Variants in ATP9A observed in about 807,000 individuals in gnomAD.
The protein encoded by ATP9A is probable phospholipid-transporting ATPase IIA.
ATP9A carries 52 observed loss-of-function variants against 144.1 expected under a neutral mutation model. The observed-to-expected ratio is 0.36, with a 90% CI of 0.29 to 0.45. ATP9A has a LOEUF of 0.45. Ranked by LOEUF, ATP9A falls within the 20% of genes least tolerant of loss-of-function variation. The probability of loss-of-function intolerance (pLI) is 1.00; values close to 1 mark genes in which losing one functional copy is unlikely to be tolerated. For missense variants in ATP9A, 947 were observed against 1,392.7 expected (o/e 0.68, Z 5.09); for synonymous variants, 582 against 557.4 (o/e 1.04, Z -0.62).
chr20:51,681,423 A>ATTTTT (rs1221909662), intron 9 of ATP9A, among the ~76,000 whole-genome samples: 9 of 97,622 alleles, frequency 9.2e-5, no homozygotes, highest in South Asian at 5.9e-4. Context: ...CCCATCCTAA[A>ATTTTT]TTTCTTTTTT....
At chr20:51,761,916 G>A (rs1457986841) in intron 1 of ATP9A, among the ~76,000 whole-genome samples, 2 of 152,070 alleles carry the variant, frequency 1.3e-5, no homozygotes, top group East Asian at 1.9e-4. Flanking sequence ...AACCGAGTCC[G>A]TTTCCTTAAC....
Position 51,618,994 on chromosome 20 carries a change from T to C in ATP9A, c.2165A>G (p.Lys722Arg). Reference protein sequence around the residue: ...AHLELNAFRRKHDCALVISGD... With the variant: ...AHLELNAFRRRHDCALVISGD... ...CGAGATGACCAGGGCACAATCATGCTTCCTGCGGAAGGCGTTCAGCTCGAG... is the reference window on the plus strand; with the variant it reads ...CGAGATGACCAGGGCACAATCATGCCTCCTGCGGAAGGCGTTCAGCTCGAG... Residue 722 changes from lysine (K) to arginine (R), a missense_variant, in exon 20 of 28, where the codon AAG becomes AGG. This residue lies in a region of ATP9A where 770 missense variants were observed against 1,047.9 expected (regional missense o/e 0.73). Transcript: ENST00000338821. The C allele has an allele frequency of 1.2e-6, 2 of 1,614,142 alleles. No homozygotes were observed. The highest frequency in any genetic ancestry group is 8.5e-7 in the Non-Finnish European group (1 of 1,180,016).
intron 22 of ATP9A, among the ~76,000 whole-genome samples, chr20:51,617,065 C>T (rs1277968532): frequency 6.6e-6 from 1 of 151,868 alleles, no homozygotes; most frequent in East Asian, 1.9e-4. Context: ...TCTCAGCCTC[C>T]CAAGTAGCTG....
rs150795858 is a variant in ATP9A, at chr20:51,699,062, G to A, written c.437-1580C>T. ...AGAGATAAAAAGTAATTATAGGCCGGGCACCACAGTGGCTCACGTCTGTAA... is the reference window on the plus strand; with the variant it reads ...AGAGATAAAAAGTAATTATAGGCCGAGCACCACAGTGGCTCACGTCTGTAA... On this transcript the variant is annotated intron_variant, in intron 4 of 27. Transcript: ENST00000338821. Among the ~76,000 whole-genome samples the A allele has an allele frequency of 4.6e-5, 7 of 152,114 alleles. No individual in the cohort carries two copies. The East Asian group carries it at 1.4e-3, about 29-fold the overall frequency.
chr20:51,625,119 T>G, intron 18 of ATP9A, 73 bp downstream of exon 18: 2 of 1,460,780 alleles, frequency 1.4e-6, no homozygotes, highest in Non-Finnish European at 1.9e-6. Flanking sequence ...TTTCCCCCTG[T>G]GATCTCCCTG....
chr20:51,611,525 C>T lies in ATP9A; in HGVS notation c.2572-1360G>A, dbSNP rs936373864. On this transcript the variant is annotated intron_variant, in intron 23 of 27. Transcript: ENST00000338821. This position sits in a 1 kb window ranked among gnomAD's most constrained non-coding sequence, Gnocchi z 4.2. Reference sequence around the variant, plus strand: ...TGTGTTCTCTGACAGACTCATGTCCCGGTGCAATTCTAACTGGGACTTGCT... The same window carrying T: ...TGTGTTCTCTGACAGACTCATGTCCTGGTGCAATTCTAACTGGGACTTGCT... 2.0e-5 allele frequency among the ~76,000 whole-genome samples: 3 copies of T among 152,102 alleles called. No homozygotes were observed. Among genetic ancestry groups the T allele is most frequent in the Admixed American group, 6.5e-5 (1 of 15,280 alleles).
chr20:51,765,908 G>C (rs1487782557), intron 1 of ATP9A, among the ~76,000 whole-genome samples: 1 of 152,046 alleles, frequency 6.6e-6, no homozygotes. Flanking sequence ...AGTGGGCCAA[G>C]ACCAAGGCAT....
chr20:51,624,300 T>G (rs2077238845), intron 18 of ATP9A, among the ~76,000 whole-genome samples: 1 of 152,160 alleles, frequency 6.6e-6, no homozygotes, highest in South Asian at 2.1e-4. Flanking sequence ...GGCCCCAGGA[T>G]GCAGCAGAGA....
rs1555834840 is a variant in ATP9A, at chr20:51,668,188, A to AAC, written c.1293+1808_1293+1809insGT. ...AAGAAAGGGAGAAGGAAAAAAAAAA[A>AAC]AAAGGCCGAAGGGGTGATCTAGTGA... is the stretch of plus-strand genomic sequence containing the variant. On this transcript the variant is annotated intron_variant, in intron 13 of 27. Transcript: ENST00000338821. Among the ~76,000 whole-genome samples, 133 of 122,966 alleles carry AAC rather than the reference A, an allele frequency of 1.1e-3. 3 individuals carry two copies. Among genetic ancestry groups the AAC allele is most frequent in the East Asian group, 2.5e-3 (9 of 3,668 alleles). 80.7% of individuals were successfully genotyped at this position (122,966 alleles called of 152,430 possible).
intron 9 of ATP9A, among the ~76,000 whole-genome samples, chr20:51,677,232 C>T (rs1484924358): frequency 6.6e-6 from 1 of 152,118 alleles, no homozygotes; most frequent in Non-Finnish European, 1.5e-5. Context: ...CCTCGCCCAA[C>T]CCAACAGCCA....
At chr20:51,732,358 G>T in intron 1 of ATP9A, 1 of 152,782 alleles carries the variant, frequency 6.5e-6, no homozygotes, top group Non-Finnish European at 1.5e-5. Flanking sequence ...CGCCAGCTAA[G>T]GTGAAACCAA....
intron 9 of ATP9A, among the ~76,000 whole-genome samples, chr20:51,677,511 A>G (rs1454876986): frequency 6.6e-6 from 1 of 152,200 alleles, no homozygotes; most frequent in Non-Finnish European, 1.5e-5. Context: ...TTCTAATGGA[A>G]GGTGACTGGG....
At chr20:51,700,117 C>T (rs1439046761) in intron 4 of ATP9A, among the ~76,000 whole-genome samples, 2 of 152,114 alleles carry the variant, frequency 1.3e-5, no homozygotes, top group African/African-American at 2.4e-5. Flanking sequence ...ATTCAGTGAC[C>T]GGAGCCCTGG....
chr20:51,648,399 A>C (rs2077350675), intron 14 of ATP9A, among the ~76,000 whole-genome samples: 1 of 152,230 alleles, frequency 6.6e-6, no homozygotes, highest in Non-Finnish European at 1.5e-5. Flanking sequence ...AAAGATGTGC[A>C]GAGAGAAGGT....
At chr20:51,624,830 A>C (rs1350073620) in intron 18 of ATP9A, among the ~76,000 whole-genome samples, 1 of 151,962 alleles carries the variant, frequency 6.6e-6, no homozygotes, top group African/African-American at 2.4e-5. Context: ...ACATGGTGAA[A>C]CCCTCTATCT....
intron 1 of ATP9A, among the ~76,000 whole-genome samples, chr20:51,752,053 C>CA (rs5841860): frequency 8.2e-4 from 118 of 144,014 alleles, no homozygotes; most frequent in East Asian, 3.0e-3. Context: ...GGAACAACAA[C>CA]AAAAAAAAAA....
At chr20:51,741,308 C>A (rs1425708621) in intron 1 of ATP9A, among the ~76,000 whole-genome samples, 1 of 152,138 alleles carries the variant, frequency 6.6e-6, no homozygotes, top group East Asian at 1.9e-4. Context: ...AGGCCAGGCG[C>A]GGTGGCTCAC....
At chr20:51,761,949 C>T (rs1045343453) in intron 1 of ATP9A, among the ~76,000 whole-genome samples, 7 of 152,232 alleles carry the variant, frequency 4.6e-5, no homozygotes, top group South Asian at 2.1e-4. Context: ...TAGAGTCCCC[C>T]GCATTCCTTG....
rs2077243914 is a variant in ATP9A, at chr20:51,625,347, C to T, written c.1861G>A (p.Ala621Thr). The change falls in exon 18 of 28, where the codon GCC becomes ACC. Residue 621 changes from alanine (A) to threonine (T), a missense_variant. Ala to Thr is a moderately conservative substitution (Grantham distance 58). Coordinates refer to ENST00000338821, the MANE Select transcript of ATP9A (RefSeq NM_006045.3). ...YQDFEARYVQ[A>T]KLSVHDRSLK... ...GAGCGGTCGTGCACACTCAGCTTGG[C>T]CTGGACGTAGCGGGCCTGGGACACA... is the stretch of plus-strand genomic sequence containing the variant. 1.2e-6 allele frequency: 2 copies of T among 1,613,762 alleles called. No individual in the cohort carries two copies. The highest frequency in any genetic ancestry group is 1.3e-5 in the African/African-American group (1 of 74,940).
Sources: gnomAD v4.1 joint callset for allele counts (sites outside exome capture counted in the v4.1 genomes callset) on GRCh38, gnomAD v4.1.1 for gene constraint, gnomAD v4.1.1 regional missense constraint, Gnocchi (gnomAD v3.1) non-coding constraint, MANE v1.5 for transcripts, NCBI Gene and HGNC (gene_info 2026-07-23, HGNC 2026-07-21) for gene names.